SPIDR: variants seen among roughly 807,000 people sequenced by gnomAD.
The protein encoded by SPIDR is scaffold protein involved in DNA repair, also known as DNA repair-scaffolding protein.
SPIDR carries 93 observed loss-of-function variants against 104.6 expected under a neutral mutation model. The ratio of observed to expected loss-of-function variants is 0.89; its 90% confidence interval spans 0.75 to 1.06. The LOEUF (loss-of-function observed/expected upper bound fraction) is 1.06, where lower values mean the gene tolerates loss of function less well. Ranked by LOEUF, SPIDR falls within the 50% of genes least tolerant of loss-of-function variation. The probability of loss-of-function intolerance (pLI) is 0.00; values close to 1 mark genes in which losing one functional copy is unlikely to be tolerated. For synonymous variants in SPIDR, 431 were observed against 416.9 expected (o/e 1.03, Z -0.41); for missense variants, 1,154 against 1,111.2 (o/e 1.04, Z -0.55).
intron 8 of SPIDR, among the ~76,000 whole-genome samples, chr8:47,525,967 C>T (rs913755858): frequency 6.6e-6 from 1 of 152,104 alleles, no homozygotes; most frequent in African/African-American, 2.4e-5. Flanking sequence ...AGTGTAGTTC[C>T]AGCCACCCCT....
intron 5 of SPIDR, among the ~76,000 whole-genome samples, chr8:47,343,611 C>T (rs2051217898): frequency 6.6e-6 from 1 of 152,198 alleles, no homozygotes; most frequent in African/African-American, 2.4e-5. Flanking sequence ...GTGTGCTTCA[C>T]TTTCAACACA....
chr8:47,310,633 G>A lies in SPIDR; in HGVS notation c.525+16603G>A, dbSNP rs192176318. 8.0e-4 allele frequency among the ~76,000 whole-genome samples: 122 copies of A among 152,280 alleles called. 1 individual carries two copies. The highest frequency in any genetic ancestry group is 2.9e-4 in the Non-Finnish European group (20 of 68,026). Reference sequence around the variant, plus strand: ...AGAGGACAGAACTCGGTCATTGGTTGTGTAGGTGACGGAAGCTTGAATAAA... The same window carrying A: ...AGAGGACAGAACTCGGTCATTGGTTATGTAGGTGACGGAAGCTTGAATAAA... On this transcript the variant is annotated intron_variant, in intron 5 of 19. Coordinates refer to ENST00000297423, the MANE Select transcript of SPIDR (RefSeq NM_001080394.4).
chr8:47,491,851 A>T (rs531493115), intron 8 of SPIDR, among the ~76,000 whole-genome samples: 29 of 152,088 alleles, frequency 1.9e-4, no homozygotes, highest in Admixed American at 1.4e-3. Context: ...CCTGTCTCTT[A>T]AAAAAAAGAA....
chr8:47,553,689 A>G (rs1186211147), intron 8 of SPIDR, among the ~76,000 whole-genome samples: 2 of 152,150 alleles, frequency 1.3e-5, no homozygotes, highest in Admixed American at 6.5e-5. Context: ...ATGGGTTCGA[A>G]CATCCTCCTT....
Position 47,576,102 on chromosome 8 carries a change from T to G in SPIDR, c.1098-19709T>G, listed in dbSNP as rs541133528. 6.6e-5 allele frequency among the ~76,000 whole-genome samples: 10 copies of G among 151,586 alleles called. No homozygotes were observed. In the South Asian group the frequency reaches 8.3e-4, roughly 13 times the overall value. On this transcript the variant is annotated intron_variant, in intron 8 of 19. Transcript: ENST00000297423. ...TTATAAATCGAATATCTTTGAAGAA[T>G]AATAAACATTTTTTTGACAAGGTCT...
intron 5 of SPIDR, among the ~76,000 whole-genome samples, chr8:47,305,602 C>A (rs1483678880): frequency 6.6e-6 from 1 of 152,128 alleles, no homozygotes; most frequent in Non-Finnish European, 1.5e-5. Context: ...AGTGATCTGA[C>A]AAACCTTTAA....
intron 10 of SPIDR, among the ~76,000 whole-genome samples, chr8:47,649,603 C>T (rs931796072): frequency 6.6e-6 from 1 of 152,062 alleles, no homozygotes; most frequent in Non-Finnish European, 1.5e-5. Flanking sequence ...GGTTCATGTC[C>T]TCCTCTTATG....
At position 47,310,191 on chromosome 8, in the gene SPIDR, G is replaced by A. The variant is rs184274380; in HGVS notation, c.525+16161G>A. Among the ~76,000 whole-genome samples, 1,308 of 151,672 alleles carry A rather than the reference G, an allele frequency of 8.6e-3. 16 individuals carry two copies. Among genetic ancestry groups the A allele is most frequent in the African/African-American group, 0.028 (1,162 of 41,314 alleles). On this transcript the variant is annotated intron_variant, in intron 5 of 19. Coordinates refer to ENST00000297423, the MANE Select transcript of SPIDR (RefSeq NM_001080394.4). Reference sequence around the variant, plus strand: ...CTACTAAAAATACAAAAAATTAGCCGGGCGTGTTGGTGGGCGCCTGTAGTC... The same window carrying A: ...CTACTAAAAATACAAAAAATTAGCCAGGCGTGTTGGTGGGCGCCTGTAGTC...
chr8:47,454,836 C>T (rs1162681396), intron 8 of SPIDR, among the ~76,000 whole-genome samples: 1 of 151,756 alleles, frequency 6.6e-6, no homozygotes, highest in Non-Finnish European at 1.5e-5. Flanking sequence ...TGTGAACAGC[C>T]ACTGCATTCC....
At chr8:47,298,486 T>C (rs1563520780) in intron 5 of SPIDR, among the ~76,000 whole-genome samples, 1 of 152,224 alleles carries the variant, frequency 6.6e-6, no homozygotes, top group Non-Finnish European at 1.5e-5. Context: ...TTTTGGCTTT[T>C]GTTGCCATTG....
At chr8:47,359,202 C>T (rs999501303) in intron 5 of SPIDR, among the ~76,000 whole-genome samples, 3 of 149,334 alleles carry the variant, frequency 2.0e-5, no homozygotes, top group Non-Finnish European at 3.0e-5. Flanking sequence ...GCCGAGATTG[C>T]GCCACTGCAG....
chr8:47,571,197 A>G (rs2058481822), intron 8 of SPIDR, among the ~76,000 whole-genome samples: 2 of 152,224 alleles, frequency 1.3e-5, no homozygotes, highest in Non-Finnish European at 2.9e-5. Context: ...ACTTTCATTT[A>G]TAAGATGAGT....
At chr8:47,524,469 T>G (rs1181432645) in intron 8 of SPIDR, among the ~76,000 whole-genome samples, 2 of 152,134 alleles carry the variant, frequency 1.3e-5, no homozygotes, top group African/African-American at 2.4e-5. Flanking sequence ...TTTTGGTAGG[T>G]CAGCCATGGG....
intron 8 of SPIDR, among the ~76,000 whole-genome samples, chr8:47,463,087 G>A (rs957232213): frequency 5.9e-5 from 9 of 151,994 alleles, no homozygotes; most frequent in African/African-American, 1.7e-4. Context: ...GGCCGGGCGC[G>A]GTGACTCACG....
chr8:47,281,985 G>A (rs2037879933), intron 2 of SPIDR, among the ~76,000 whole-genome samples: 1 of 152,234 alleles, frequency 6.6e-6, no homozygotes, highest in Non-Finnish European at 1.5e-5. Context: ...TAGCAGGTAT[G>A]AAAACAGCAT....
At chr8:47,729,755 T>C (rs2084901219) in intron 19 of SPIDR, 1 of 422,000 alleles carries the variant, frequency 2.4e-6, no homozygotes, top group Non-Finnish European at 4.3e-6. Context: ...AGTCTCATTC[T>C]CTGTCCAGGC....
intron 10 of SPIDR, among the ~76,000 whole-genome samples, chr8:47,647,655 GGA>G (rs1463721076): frequency 2.0e-5 from 1 of 50,168 alleles, no homozygotes; most frequent in Admixed American, 2.6e-4. Flanking sequence ...AGAGAGAGAG[GGA>G]GAGAGAGAGA....
intron 8 of SPIDR, among the ~76,000 whole-genome samples, chr8:47,535,930 C>T (rs2086828817): frequency 6.6e-6 from 1 of 152,062 alleles, no homozygotes; most frequent in South Asian, 2.1e-4. Context: ...TCCAGAGAAT[C>T]ACCAAAAAAT....
intron 5 of SPIDR, among the ~76,000 whole-genome samples, chr8:47,324,937 A>T (rs2047413299): frequency 1.3e-5 from 2 of 152,174 alleles, no homozygotes; most frequent in South Asian, 4.1e-4. Context: ...GTGGCTTGCA[A>T]GGTGGCTGTG....
Sources: allele counts gnomAD v4.1 joint callset (sites outside exome capture counted in the v4.1 genomes callset), GRCh38; gene constraint gnomAD v4.1.1; transcripts MANE v1.5; gene names NCBI Gene and HGNC (gene_info 2026-07-23, HGNC 2026-07-21).